The following LRRC7 variants were observed in gnomAD, a reference collection of about 807,000 sequenced individuals.
The protein encoded by LRRC7 is leucine rich repeat containing 7, also known as leucine-rich repeat-containing protein 7.
Under a neutral mutation model 175.7 loss-of-function variants are expected in LRRC7, and 23 were observed. That is an observed-to-expected ratio of 0.13 (90% CI 0.09 to 0.19). The LOEUF is 0.19. Among genes scored for constraint, LRRC7 ranks in the 10% least tolerant of loss-of-function variants. The pLI is 1.00. For missense variants in LRRC7, 1,354 were observed against 1,904.7 expected, an observed-to-expected ratio of 0.71 and a Z score of 5.38; for synonymous variants, 685 against 680.9, an observed-to-expected ratio of 1.01 and a Z score of -0.09.
At chr1:70,048,756 T>C (rs899828942) in intron 22 of LRRC7, among the ~76,000 whole-genome samples, 22 of 152,120 alleles carry the variant, frequency 1.4e-4, no homozygotes, top group Admixed American at 1.3e-4. Context: ...ATGCCAGTAA[T>C]TATCTTGTGC....
chr1:69,838,625 TA>T (rs1681382620), intron 7 of LRRC7, among the ~76,000 whole-genome samples: 2 of 151,918 alleles, frequency 1.3e-5, no homozygotes. Flanking sequence ...ATAGGATGCT[TA>T]ATTCTTCAAG....
At chr1:70,103,826 AC>A (rs1478601758) in intron 25 of LRRC7, among the ~76,000 whole-genome samples, 2 of 152,182 alleles carry the variant, frequency 1.3e-5, no homozygotes, top group African/African-American at 4.8e-5. Context: ...AGTTGCTGCT[AC>A]TTTTATCTCC....
chr1:69,925,599 T>C (rs1228157107), intron 7 of LRRC7, among the ~76,000 whole-genome samples: 1 of 152,146 alleles, frequency 6.6e-6, no homozygotes, highest in Non-Finnish European at 1.5e-5. Flanking sequence ...GAGGTGTTTG[T>C]AGTATTCTCT....
chr1:70,049,080 G>T (rs912497078), intron 22 of LRRC7, among the ~76,000 whole-genome samples: 1 of 152,020 alleles, frequency 6.6e-6, no homozygotes, highest in African/African-American at 2.4e-5. Flanking sequence ...TTGGCTTATT[G>T]AATTAGGCAT....
intron 2 of LRRC7, among the ~76,000 whole-genome samples, chr1:69,732,311 T>C (rs960391799): frequency 5.9e-5 from 9 of 151,948 alleles, no homozygotes; most frequent in African/African-American, 2.2e-4. Context: ...GTTCGATAGA[T>C]TTACACAATC....
intron 7 of LRRC7, among the ~76,000 whole-genome samples, chr1:69,841,696 A>G (rs557201040): frequency 5.5e-4 from 84 of 152,280 alleles, no homozygotes; most frequent in Admixed American, 2.0e-3. Context: ...TCAAGACAGT[A>G]TGAGTGCCAT....
At chr1:69,894,505 A>G (rs1490156546) in intron 7 of LRRC7, among the ~76,000 whole-genome samples, 2 of 152,216 alleles carry the variant, frequency 1.3e-5, no homozygotes, top group South Asian at 4.1e-4. Flanking sequence ...TTTTGAAAAC[A>G]GTTTTATTGA....
At chr1:69,816,135 A>G (rs757257479) in intron 4 of LRRC7, among the ~76,000 whole-genome samples, 13 of 151,702 alleles carry the variant, frequency 8.6e-5, no homozygotes, top group Non-Finnish European at 1.8e-4. Flanking sequence ...CCGCCCTCAC[A>G]CCCAGCTCAT....
intron 3 of LRRC7, among the ~76,000 whole-genome samples, chr1:69,783,788 T>C (rs1486023393): frequency 2.2e-5 from 3 of 138,114 alleles, no homozygotes; most frequent in Non-Finnish European, 4.7e-5. Flanking sequence ...GATTCTGGAA[T>C]AACTGGTCAT....
At position 70,137,963 on chromosome 1, in the gene LRRC7, T is replaced by G. The variant is rs1666933928; in HGVS notation, c.*16076T>G. 6.6e-6 allele frequency: 1 copy of G among 152,232 alleles called. No individual in the cohort carries two copies. The highest frequency in any genetic ancestry group is 1.5e-5 in the Non-Finnish European group (1 of 68,034). The allele number at this position is 152,232 out of a possible 1,614,324, so 9.4% of individuals were successfully genotyped here. ...AGAGTTTTTGCTTGCTCTTTGAGGT[T>G]AAAATCAAAGATTTTTCACTCAGGA... On this transcript the variant is annotated 3_prime_UTR_variant, in exon 27 of 27. Coordinates refer to ENST00000651989, the MANE Select transcript of LRRC7 (RefSeq NM_001370785.2).
chr1:70,031,901 C>A (rs1350926959), intron 18 of LRRC7, among the ~76,000 whole-genome samples: 1 of 151,892 alleles, frequency 6.6e-6, no homozygotes, highest in Non-Finnish European at 1.5e-5. Flanking sequence ...CTGGTTCAAG[C>A]GATTCTCCTG....
chr1:69,953,286 C>T (rs1045015712), intron 8 of LRRC7, among the ~76,000 whole-genome samples: 1 of 152,040 alleles, frequency 6.6e-6, no homozygotes, highest in Admixed American at 6.6e-5. Flanking sequence ...ATCAGCAACT[C>T]TATGCTATAG....
chr1:69,917,664 T>C (rs1347985307), intron 7 of LRRC7, among the ~76,000 whole-genome samples: 1 of 152,076 alleles, frequency 6.6e-6, no homozygotes, highest in Non-Finnish European at 1.5e-5. Context: ...CAACAAACAA[T>C]TATCTCATAC....
At position 70,142,946 on chromosome 1, in the gene LRRC7, A is replaced by ATAAT. The variant is rs1667126042; in HGVS notation, c.*21061_*21064dup. 1.3e-5 allele frequency: 2 copies of ATAAT among 152,022 alleles called. No homozygotes were observed. Among genetic ancestry groups the ATAAT allele is most frequent in the South Asian group, 4.1e-4 (2 of 4,824 alleles). 9.4% of individuals were successfully genotyped at this position (152,022 alleles called of 1,614,324 possible). ...AAATTATTTTTTCCTAAACGATTTC[A>ATAAT]TAATTGATTACTTTTGACCTCAGTT... is the stretch of plus-strand genomic sequence containing the variant. On this transcript the variant is annotated 3_prime_UTR_variant, in exon 27 of 27. Transcript: ENST00000651989.
At chr1:69,929,698 TGTCCCCCTCAGTC>T (rs1005056053) in intron 7 of LRRC7, among the ~76,000 whole-genome samples, 14 of 152,246 alleles carry the variant, frequency 9.2e-5, no homozygotes, top group African/African-American at 3.4e-4. Flanking sequence ...CTTCTACTGT[TGTCCCCCTCAGTC>T]TGTTTATAAG....
chr1:69,926,955 C>T (rs1019582953), intron 7 of LRRC7, among the ~76,000 whole-genome samples: 1 of 152,130 alleles, frequency 6.6e-6, no homozygotes, highest in African/African-American at 2.4e-5. Flanking sequence ...CCGGTTGTTC[C>T]TTTCCATGTT....
At chr1:69,948,106 A>G (rs1649536773) in intron 8 of LRRC7, among the ~76,000 whole-genome samples, 1 of 152,142 alleles carries the variant, frequency 6.6e-6, no homozygotes, top group Admixed American at 6.6e-5. Flanking sequence ...ACAGTGCGAG[A>G]TTTCATCCTG....
Position 70,134,975 on chromosome 1 carries a change from T to C in LRRC7, c.*13088T>C, listed in dbSNP as rs1666807024. Among the ~76,000 whole-genome samples, 1 of 152,238 alleles carries C rather than the reference T, an allele frequency of 6.6e-6. No individual in the cohort carries two copies. The highest frequency in any genetic ancestry group is 2.4e-5 in the African/African-American group (1 of 41,460). On this transcript the variant is annotated 3_prime_UTR_variant, in exon 27 of 27. Coordinates refer to ENST00000651989, the MANE Select transcript of LRRC7 (RefSeq NM_001370785.2). Reference sequence around the variant, plus strand: ...TTATTCCTTCTATTTTCCATAACCTTTTAATGATAGGTTTAGTTGTAAAAT... The same window carrying C: ...TTATTCCTTCTATTTTCCATAACCTCTTAATGATAGGTTTAGTTGTAAAAT...
chr1:69,684,565 C>T (rs1377120420), intron 2 of LRRC7, among the ~76,000 whole-genome samples: 2 of 152,136 alleles, frequency 1.3e-5, no homozygotes, highest in Admixed American at 1.3e-4. Context: ...AATTCTTCAA[C>T]AGACCATTTT....
Sources: gnomAD v4.1 joint callset for allele counts (sites outside exome capture counted in the v4.1 genomes callset) on GRCh38, gnomAD v4.1.1 for gene constraint, MANE v1.5 for transcripts, NCBI Gene and HGNC (gene_info 2026-07-23, HGNC 2026-07-21) for gene names.